Variants in SLC39A11 observed in about 807,000 individuals in gnomAD.
SLC39A11 encodes the protein zinc transporter ZIP11.
A neutral mutation model predicts 36.1 loss-of-function variants in SLC39A11; 33 were observed. The ratio of observed to expected loss-of-function variants is 0.91; its 90% CI spans 0.69 to 1.22. SLC39A11 has a LOEUF of 1.22. Among genes scored for constraint, SLC39A11 ranks in the 50% most tolerant of loss-of-function variants. The pLI, the probability that SLC39A11 is intolerant of heterozygous loss-of-function variation, is 0.00. For synonymous variants in SLC39A11, 166 were observed against 170.3 expected (o/e 0.97, Z 0.20); for missense variants, 432 against 430.3 (o/e 1.00, Z -0.03).
intron 3 of SLC39A11, among the ~76,000 whole-genome samples, chr17:73,078,312 A>AT (rs2060394824): frequency 6.6e-6 from 1 of 152,058 alleles, no homozygotes; most frequent in Non-Finnish European, 1.5e-5. Context: ...CATTTAAAAC[A>AT]TTTTTGTCTC....
At chr17:72,959,365 A>G (rs1250581092) in intron 4 of SLC39A11, among the ~76,000 whole-genome samples, 1 of 140,606 alleles carries the variant, frequency 7.1e-6, no homozygotes, top group South Asian at 2.3e-4. Flanking sequence ...ATATATATAT[A>G]TGATCGAATA....
At chr17:72,846,000 ATCTCTCTC>A (rs796515825) in intron 6 of SLC39A11, among the ~76,000 whole-genome samples, 7 of 132,436 alleles carry the variant, frequency 5.3e-5, no homozygotes, top group African/African-American at 1.8e-4. Context: ...AAACCAATGA[ATCTCTCTC>A]TCTCTCTCTC....
chr17:72,781,588 T>C (rs1019351132), intron 6 of SLC39A11, among the ~76,000 whole-genome samples: 1 of 152,066 alleles, frequency 6.6e-6, no homozygotes, highest in Non-Finnish European at 1.5e-5. Flanking sequence ...CATGCCCAGC[T>C]AATTTTTTGT....
chr17:72,668,186 CT>C (rs1285931118), intron 7 of SLC39A11, among the ~76,000 whole-genome samples: 1 of 147,268 alleles, frequency 6.8e-6, no homozygotes, highest in African/African-American at 2.5e-5. Context: ...AATATTAATG[CT>C]GTTTAAGAAT....
intron 4 of SLC39A11, among the ~76,000 whole-genome samples, chr17:72,984,247 C>T (rs948149805): frequency 1.3e-5 from 2 of 152,030 alleles, no homozygotes; most frequent in Admixed American, 6.6e-5. Context: ...TTGCATTGCA[C>T]AGAGCATGGG....
At chr17:72,849,938 G>C (rs1278661924) in intron 5 of SLC39A11, 134 bp from the exon 6 acceptor site, 1 of 841,400 alleles carries the variant, frequency 1.2e-6, no homozygotes, top group Non-Finnish European at 1.7e-6. Context: ...CTGTCACCCA[G>C]CCTGGAGGGC....
At chr17:72,907,479 C>T (rs980556875) in intron 5 of SLC39A11, among the ~76,000 whole-genome samples, 1 of 152,104 alleles carries the variant, frequency 6.6e-6, no homozygotes, top group South Asian at 2.1e-4. Flanking sequence ...GACAGAGTGA[C>T]GGAGCGAGAC....
chr17:72,676,519 T>C (rs1247982451), intron 7 of SLC39A11, among the ~76,000 whole-genome samples: 1 of 152,110 alleles, frequency 6.6e-6, no homozygotes, highest in Admixed American at 6.6e-5. Flanking sequence ...GCTAGACTTC[T>C]TATCGTCATC....
chr17:72,880,951 G>A (rs1416943156), intron 5 of SLC39A11, among the ~76,000 whole-genome samples: 1 of 151,672 alleles, frequency 6.6e-6, no homozygotes, highest in Admixed American at 6.6e-5. Context: ...AAAGTGCTGG[G>A]ATTACAGGCG....
intron 7 of SLC39A11, among the ~76,000 whole-genome samples, chr17:72,680,613 T>G (rs1232529063): frequency 6.6e-6 from 1 of 152,170 alleles, no homozygotes; most frequent in Admixed American, 6.5e-5. Context: ...GAACTGTGAG[T>G]CCATTAAACC....
At chr17:72,895,262 A>C (rs964121269) in intron 5 of SLC39A11, among the ~76,000 whole-genome samples, 2 of 152,104 alleles carry the variant, frequency 1.3e-5, no homozygotes, top group African/African-American at 4.8e-5. Context: ...AGGAAGAAGA[A>C]AACAGCCCTA....
intron 5 of SLC39A11, among the ~76,000 whole-genome samples, chr17:72,862,615 G>C (rs1289983716): frequency 6.6e-6 from 1 of 152,176 alleles, no homozygotes; most frequent in East Asian, 1.9e-4. Context: ...GAGCAAGGTG[G>C]CTGCTGAGAG....
intron 6 of SLC39A11, among the ~76,000 whole-genome samples, chr17:72,841,871 AG>A (rs1338932011): frequency 1.3e-5 from 2 of 151,504 alleles, no homozygotes; most frequent in Non-Finnish European, 2.9e-5. Flanking sequence ...AGACTAGCCT[AG>A]GCAACATGGC....
At chr17:72,866,032 TG>T (rs2080284736) in intron 5 of SLC39A11, among the ~76,000 whole-genome samples, 2 of 152,206 alleles carry the variant, frequency 1.3e-5, no homozygotes, top group Non-Finnish European at 2.9e-5. Context: ...CCCCAATACC[TG>T]GGTCATGAAC....
intron 7 of SLC39A11, among the ~76,000 whole-genome samples, chr17:72,700,571 A>C (rs569408627): frequency 1.3e-5 from 2 of 152,366 alleles, no homozygotes; most frequent in African/African-American, 4.8e-5. Context: ...GCCTTAATGA[A>C]GGAGACAGAA....
chr17:72,970,457 C>T (rs1220212343), intron 4 of SLC39A11, among the ~76,000 whole-genome samples: 5 of 152,134 alleles, frequency 3.3e-5, no homozygotes. Flanking sequence ...ATGTCTGAAA[C>T]AAAGGGAATT....
chr17:72,765,882 A>G (rs925309580), intron 6 of SLC39A11, among the ~76,000 whole-genome samples: 1 of 152,196 alleles, frequency 6.6e-6, no homozygotes, highest in African/African-American at 2.4e-5. Context: ...AAAGTTTTCA[A>G]CAACCTCAAG....
Position 73,032,692 on chromosome 17 carries a change from C to T in SLC39A11, c.148-978G>A, listed in dbSNP as rs370225605. ...CCCTAGAACACCAAAAACTGTGTCC[C>T]TCCTGTGTGATATGTGACAGCCTCT... is the stretch of plus-strand genomic sequence containing the variant. On this transcript the variant is annotated intron_variant, in intron 3 of 9. Transcript: ENST00000255559. Among the ~76,000 whole-genome samples, 44 of 152,218 alleles carry T rather than the reference C, an allele frequency of 2.9e-4. 1 individual carries two copies. Among genetic ancestry groups the T allele is most frequent in the African/African-American group, 1.1e-3 (44 of 41,534 alleles).
chr17:72,836,180 A>C (rs1192537668), intron 6 of SLC39A11, among the ~76,000 whole-genome samples: 1 of 152,224 alleles, frequency 6.6e-6, no homozygotes, highest in Non-Finnish European at 1.5e-5. Flanking sequence ...TTAATGTGGC[A>C]AGCTTAAGAA....
Sources: allele counts gnomAD v4.1 joint callset (sites outside exome capture counted in the v4.1 genomes callset), GRCh38; gene constraint gnomAD v4.1.1; transcripts MANE v1.5; gene names NCBI Gene and HGNC (gene_info 2026-07-23, HGNC 2026-07-21).